Variants in CIAPIN1 observed in about 807,000 individuals in gnomAD.
CIAPIN1 encodes cytokine induced apoptosis inhibitor 1.
Under a neutral mutation model 34.3 loss-of-function variants are expected in CIAPIN1, and 18 were observed. The observed-to-expected ratio is 0.52, with a 90% CI of 0.36 to 0.78. The LOEUF (loss-of-function observed/expected upper bound fraction) is 0.78. Ranked by LOEUF, CIAPIN1 falls within the 30% of genes least tolerant of loss-of-function variation. The pLI, the probability that CIAPIN1 is intolerant of heterozygous loss-of-function variation, is 0.00. For synonymous variants in CIAPIN1, 131 were observed against 140.4 expected (o/e 0.93, Z 0.47); for missense variants, 310 against 372.5 (o/e 0.83, Z 1.38).
At chr16:57,435,281 C>T (rs1257342465) in intron 4 of CIAPIN1, among the ~76,000 whole-genome samples, 4 of 152,180 alleles carry the variant, frequency 2.6e-5, no homozygotes, top group South Asian at 2.1e-4. Flanking sequence ...TTCATTGAGG[C>T]CTCCCTAGAA....
chr16:57,444,287 G>A (rs2029970772), intron 1 of CIAPIN1, among the ~76,000 whole-genome samples: 1 of 152,144 alleles, frequency 6.6e-6, no homozygotes, highest in Non-Finnish European at 1.5e-5. Context: ...CTCATATTTT[G>A]CGAGGCTGCT....
rs1190216468 is a variant in CIAPIN1, at chr16:57,441,103, T to C, written c.-55-120A>G. 21 of 556,368 alleles carry C rather than the reference T, an allele frequency of 3.8e-5. No individual in the cohort carries two copies. The South Asian group carries it at 4.8e-4, about 13-fold the overall frequency. 34.5% of individuals were successfully genotyped at this position (556,368 alleles called of 1,614,324 possible). ...ACAACATTAGAAACTCTACTGTATA[T>C]GCTAAAGAGTCTGAATACATGAACC... On this transcript the variant is annotated intron_variant, in intron 1 of 8. Transcript: ENST00000394391.
intron 8 of CIAPIN1, among the ~76,000 whole-genome samples, 178 bp downstream of exon 8, chr16:57,430,080 G>A (rs926444533): frequency 8.3e-4 from 126 of 152,132 alleles, no homozygotes; most frequent in African/African-American, 2.9e-3. Flanking sequence ...GCACAAGCAC[G>A]CTAACCCACT....
Position 57,428,855 on chromosome 16 carries a change from G to C in CIAPIN1, c.*315C>G, listed in dbSNP as rs1322547081. ...GAGTGTTAATGCTCAACGATGCCTG[G>C]GCTCAAGAGCGTTCTGGTCAGCATT... On this transcript the variant is annotated 3_prime_UTR_variant, in exon 9 of 9. Transcript: ENST00000394391. 1 of 240,840 alleles carries C rather than the reference G, an allele frequency of 4.2e-6. No homozygotes were observed. Among genetic ancestry groups the C allele is most frequent in the African/African-American group, 2.3e-5 (1 of 44,230 alleles). 14.9% of individuals were successfully genotyped at this position (240,840 alleles called of 1,614,324 possible). A position where few individuals can be genotyped will look rare whatever the true frequency, so the allele number is the denominator to read the frequency against.
At position 57,434,147 on chromosome 16, in the gene CIAPIN1, A is replaced by G; in HGVS notation, c.453T>C (p.Ser151=). ...TGATCTGAACAAACAGCAGGTTGTC[A>G]CTTTCATGACCAAGGTGTTCTCGAA... ...QSVREHLGHE[S]DNLLFVQITG... The change falls in exon 5 of 9, where the codon AGT becomes AGC. Residue 151 remains serine, a synonymous_variant. Coordinates refer to ENST00000394391, the MANE Select transcript of CIAPIN1 (RefSeq NM_020313.4). The G allele has an allele frequency of 6.2e-7, 1 of 1,614,166 alleles. No individual in the cohort carries two copies. The highest frequency in any genetic ancestry group is 8.5e-7 in the Non-Finnish European group (1 of 1,179,992).
At chr16:57,432,360 C>T (rs1260760319) in intron 6 of CIAPIN1, 127 bp downstream of exon 6, 3 of 673,316 alleles carry the variant, frequency 4.5e-6, no homozygotes, top group Non-Finnish European at 7.5e-6. Flanking sequence ...AAAGATGTGA[C>T]AGGCATAGTC....
intron 6 of CIAPIN1, among the ~76,000 whole-genome samples, chr16:57,431,758 CCTCACTTATTTTG>C (rs1903093101): frequency 6.6e-6 from 1 of 152,126 alleles, no homozygotes; most frequent in South Asian, 2.1e-4. Flanking sequence ...AGAGCATGAA[CCTCACTTATTTTG>C]CTCACTACTC....
rs74019516 is a variant in CIAPIN1 at position 57,446,407 on chromosome 16, C to T, written c.-56+935G>A. ...TCCCCGCACCCGTGCAGGGGGGAGC[C>T]GGATATTCTGAAAAGACTAGATTTG... On this transcript the variant is annotated intron_variant, in intron 1 of 8. Transcript: ENST00000394391. 2.3e-3 allele frequency among the ~76,000 whole-genome samples: 345 copies of T among 152,170 alleles called. 4 individuals are homozygous for T. Among genetic ancestry groups the T allele is most frequent in the African/African-American group, 8.0e-3 (333 of 41,512 alleles).
At chr16:57,436,836 C>T in intron 3 of CIAPIN1, 104 bp from the exon 4 acceptor site, 1 of 814,084 alleles carries the variant, frequency 1.2e-6, no homozygotes, top group Non-Finnish European at 1.9e-6. Flanking sequence ...CAATAATAAC[C>T]AGGTGGGCGT....
chr16:57,441,139 A>C, intron 1 of CIAPIN1, 156 bp from the exon 2 acceptor site: 6 of 380,836 alleles, frequency 1.6e-5, no homozygotes, highest in Non-Finnish European at 1.4e-5. Context: ...CCATTATCTC[A>C]AGTCTTCATA....
At chr16:57,431,608 A>G (rs962706003) in intron 6 of CIAPIN1, 1 of 177,766 alleles carries the variant, frequency 5.6e-6, no homozygotes, top group Non-Finnish European at 1.2e-5. Flanking sequence ...GAACAGAGAA[A>G]GAGAGAAGTG....
At chr16:57,436,516 C>T (rs1249691256) in intron 4 of CIAPIN1, 140 bp downstream of exon 4, 2 of 509,410 alleles carry the variant, frequency 3.9e-6, no homozygotes, top group Non-Finnish European at 6.9e-6. Flanking sequence ...ACGTGAGCCA[C>T]CACACCCGGC....
chr16:57,437,715 G>A (rs553209129), intron 3 of CIAPIN1, among the ~76,000 whole-genome samples: 5 of 151,720 alleles, frequency 3.3e-5, no homozygotes, highest in Non-Finnish European at 7.4e-5. Context: ...TTGTAGAGAC[G>A]GGGTTTCGCC....
At chr16:57,436,296 C>T (rs554378280) in intron 4 of CIAPIN1, among the ~76,000 whole-genome samples, 6 of 152,292 alleles carry the variant, frequency 3.9e-5, no homozygotes, top group Non-Finnish European at 8.8e-5. Context: ...GGCGTGATCT[C>T]GGCTCACTGC....
At chr16:57,432,720 A>C (rs1167779748) in intron 5 of CIAPIN1, among the ~76,000 whole-genome samples, 160 bp from the exon 6 acceptor site, 1 of 152,218 alleles carries the variant, frequency 6.6e-6, no homozygotes, top group African/African-American at 2.4e-5. Context: ...GAGAGGTCTG[A>C]CCTTGGGCCA....
intron 6 of CIAPIN1, chr16:57,431,508 A>C (rs1373803741): frequency 3.0e-5 from 11 of 371,584 alleles, no homozygotes; most frequent in African/African-American, 2.2e-4. Context: ...TTTACATGAG[A>C]AAAAGCTGTA....
chr16:57,438,733 C>T (rs540464039), intron 3 of CIAPIN1, among the ~76,000 whole-genome samples: 4 of 152,166 alleles, frequency 2.6e-5, no homozygotes, highest in Non-Finnish European at 4.4e-5. Context: ...CCACTTCTAA[C>T]CTCTGGCAAA....
In CIAPIN1 at chr16:57,440,891, G is replaced by A. The variant is rs750543292; in HGVS notation, c.38C>T (p.Ala13Val). ...TGGGGATGACTTATCCCAGACCACTGCCACAAACTGGCCAGCAGAGATCCC... is the reference window on the plus strand; with the variant it reads ...TGGGGATGACTTATCCCAGACCACTACCACAAACTGGCCAGCAGAGATCCC... ...DFGISAGQFV[A>V]VVWDKSSPVE... The change falls in exon 2 of 9, where the codon GCA becomes GTA. Residue 13 changes from alanine to valine, a missense_variant. Physicochemically the swap from Ala to Val is moderately conservative, Grantham distance 64. Transcript: ENST00000394391. The A allele has an allele frequency of 1.2e-6, 2 of 1,613,968 alleles. No individual in the cohort carries two copies. Among genetic ancestry groups the A allele is most frequent in the African/African-American group, 2.7e-5 (2 of 75,024 alleles).
At position 57,428,948 on chromosome 16, in the gene CIAPIN1, C is replaced by A. The variant is rs1903015328; in HGVS notation, c.*222G>T. 2.0e-6 allele frequency: 1 copy of A among 499,214 alleles called. No homozygotes were observed. 30.9% of individuals were successfully genotyped at this position (499,214 alleles called of 1,614,324 possible). On this transcript the variant is annotated 3_prime_UTR_variant, in exon 9 of 9. Coordinates refer to ENST00000394391, the MANE Select transcript of CIAPIN1 (RefSeq NM_020313.4). ...CTTAACATGAGGTGAAGAAACCCAT[C>A]CCATTCTGAAACCAGGTCCCATAAT...
Sources: allele counts gnomAD v4.1 joint callset (sites outside exome capture counted in the v4.1 genomes callset), GRCh38; gene constraint gnomAD v4.1.1; transcripts MANE v1.5; gene names NCBI Gene and HGNC (gene_info 2026-07-23, HGNC 2026-07-21).